Variants in AMMECR1 observed in about 807,000 individuals in gnomAD.
AMMECR1 encodes nuclear protein AMMECR1.
Under a neutral mutation model 22.5 loss-of-function variants are expected in AMMECR1, and 3 were observed. The observed-to-expected ratio is 0.13, with a 90% confidence interval of 0.06 to 0.35. AMMECR1 has a LOEUF of 0.35. Ranked by LOEUF, AMMECR1 falls within the 10% of genes least tolerant of loss-of-function variation. The pLI is 1.00. For missense variants in AMMECR1, 235 were observed against 278.7 expected (o/e 0.84, Z 1.12); for synonymous variants, 130 against 116.7 (o/e 1.11, Z -0.74).
chrX:110,216,775 C>T (rs753822758), intron 2 of AMMECR1, 143 bp from the exon 3 acceptor site: 7 of 383,213 alleles, frequency 1.8e-5, no homozygotes, highest in African/African-American at 1.6e-4. Flanking sequence ...CAAATGTATT[C>T]AAATTCCCCA....
At position 110,303,375 on chromosome X, in the gene AMMECR1, G is replaced by A. The variant is rs148100589; in HGVS notation, c.473+14224C>T. On this transcript the variant is annotated intron_variant, in intron 1 of 5. Coordinates refer to ENST00000262844, the MANE Select transcript of AMMECR1 (RefSeq NM_015365.3). ...AGGTGCCTGCCTATTTGAGATGCAC[G>A]TTGTTTGAAGTCTGTGAAAAATGAA... is the stretch of plus-strand genomic sequence containing the variant. Among the ~76,000 whole-genome samples, 844 of 111,908 alleles carry A rather than the reference G, an allele frequency of 7.5e-3. 6 individuals are homozygous for A. The highest frequency in any genetic ancestry group is 0.025 in the African/African-American group (783 of 30,749).
At chrX:110,410,962 G>A (rs1012489953) in intron 2 of AMMECR1, among the ~76,000 whole-genome samples, 7 of 112,176 alleles carry the variant, frequency 6.2e-5, no homozygotes, top group Non-Finnish European at 1.1e-4. Flanking sequence ...TCCTATTTTG[G>A]TTCCTAAATG....
At chrX:110,318,174 G>A (rs1435578596), upstream of AMMECR1, 38 of 739,735 alleles carry the variant, frequency 5.1e-5, no homozygotes, top group Non-Finnish European at 6.1e-5. Context: ...GCGCGCCAGA[G>A]GCTGGCGGGG....
intron 2 of AMMECR1, among the ~76,000 whole-genome samples, chrX:110,239,248 C>A (rs2067617687): frequency 9.0e-6 from 1 of 110,741 alleles, no homozygotes; most frequent in Non-Finnish European, 1.9e-5. Context: ...TAACAAACTC[C>A]TCCAAGATAA....
intron 1 of AMMECR1, among the ~76,000 whole-genome samples, chrX:110,289,483 C>A (rs188350707): frequency 1.8e-3 from 198 of 112,203 alleles, no homozygotes; most frequent in Middle Eastern, 4.6e-3. Context: ...AAATAGCCAC[C>A]TGCTTAGTTA....
intron 1 of AMMECR1, among the ~76,000 whole-genome samples, chrX:110,277,548 C>T (rs2067832447): frequency 9.0e-6 from 1 of 110,739 alleles, no homozygotes; most frequent in African/African-American, 3.3e-5. Context: ...GCACATGTAC[C>T]CTAGAACTTA....
At chrX:110,375,767 G>T (rs950958304) in intron 2 of AMMECR1, among the ~76,000 whole-genome samples, 1 of 112,029 alleles carries the variant, frequency 8.9e-6, no homozygotes, top group African/African-American at 3.3e-5. Context: ...GAAATCATAA[G>T]TGGGCTAATG....
intron 2 of AMMECR1, chrX:110,219,610 T>G (rs1344886328): frequency 1.3e-6 from 1 of 748,165 alleles, no homozygotes; most frequent in African/African-American, 2.3e-5. Context: ...TCACTCATTC[T>G]AGGCTTAAAA....
At chrX:110,301,243 T>C (rs755163251) in intron 1 of AMMECR1, among the ~76,000 whole-genome samples, 2 of 112,586 alleles carry the variant, frequency 1.8e-5, no homozygotes, top group South Asian at 3.7e-4. Flanking sequence ...CAGCTAATGA[T>C]CGACATATTT....
intron 2 of AMMECR1, among the ~76,000 whole-genome samples, chrX:110,401,340 A>G (rs2068563252): frequency 9.0e-6 from 1 of 111,260 alleles, no homozygotes; most frequent in Admixed American, 9.5e-5. Context: ...TCAGTACTAC[A>G]GTGCCACCTA....
intron 5 of AMMECR1, among the ~76,000 whole-genome samples, chrX:110,200,391 C>T (rs763241537): frequency 1.8e-5 from 2 of 112,182 alleles, no homozygotes; most frequent in African/African-American, 6.5e-5. Context: ...TATAAGCATT[C>T]AATGTAGTTT....
chrX:110,361,542 CA>C (rs2068263748), intron 2 of AMMECR1, among the ~76,000 whole-genome samples: 1 of 111,421 alleles, frequency 9.0e-6, no homozygotes, highest in Non-Finnish European at 1.9e-5. Flanking sequence ...TCAGTAACAA[CA>C]AAACCCCTTA....
Position 110,317,911 on chromosome X carries a change from T to A in AMMECR1, c.161A>T (p.Asn54Ile). ...TCCTCCGGTTAGACCTCCCAGCCCG[T>A]TGAGCCGCGTACCGGCGCCTCCTAG... ...LGLGGAGTRL[N>I]GLGGLTGGGS... is the part of the protein sequence containing the mutation. The change falls in exon 1 of 6, where the codon AAC becomes ATC. Residue 54 changes from asparagine to isoleucine, a missense_variant. Asn to Ile is a moderately radical substitution (Grantham distance 149). Coordinates refer to ENST00000262844, the MANE Select transcript of AMMECR1 (RefSeq NM_015365.3). The A allele has an allele frequency of 1.7e-6, 2 of 1,196,543 alleles. No individual in the cohort carries two copies. Among genetic ancestry groups the A allele is most frequent in the Non-Finnish European group, 1.1e-6 (1 of 888,072 alleles).
At chrX:110,339,401 TAAAAA>T (rs10664998) in intron 2 of AMMECR1, among the ~76,000 whole-genome samples, 3 of 48,958 alleles carry the variant, frequency 6.1e-5, no homozygotes, top group East Asian at 1.0e-3. Flanking sequence ...TGGTTTGTTG[TAAAAA>T]AAAAAAAAAA....
chrX:110,240,402 A>AAAG (rs2067625122), intron 2 of AMMECR1, among the ~76,000 whole-genome samples: 1 of 76,397 alleles, frequency 1.3e-5, no homozygotes, highest in African/African-American at 4.9e-5. Flanking sequence ...AAAAACAAAA[A>AAAG]CGGGGGGGGG....
At chrX:110,271,974 G>A (rs1012091416) in intron 1 of AMMECR1, among the ~76,000 whole-genome samples, 1 of 111,179 alleles carries the variant, frequency 9.0e-6, no homozygotes, top group African/African-American at 3.3e-5. Flanking sequence ...CTTGTACTTT[G>A]GGAGGCCAAA....
At chrX:110,386,988 T>C (rs1003153575) in intron 2 of AMMECR1, among the ~76,000 whole-genome samples, 1 of 112,442 alleles carries the variant, frequency 8.9e-6, no homozygotes, top group Non-Finnish European at 1.9e-5. Flanking sequence ...CCAAATGAAT[T>C]GCATGGAAAA....
At chrX:110,328,541 C>T (rs976554831) in intron 2 of AMMECR1, among the ~76,000 whole-genome samples, 4 of 99,822 alleles carry the variant, frequency 4.0e-5, no homozygotes, top group African/African-American at 1.1e-4. Flanking sequence ...TAGGTATAGA[C>T]GTGCCATGGT....
chrX:110,249,399 T>C (rs2067675378), intron 2 of AMMECR1, among the ~76,000 whole-genome samples: 1 of 111,267 alleles, frequency 9.0e-6, no homozygotes, highest in Non-Finnish European at 1.9e-5. Context: ...AGGTTATTAT[T>C]AGCTGTCATT....
Sources: gnomAD v4.1 joint callset for allele counts (sites outside exome capture counted in the v4.1 genomes callset) on GRCh38, gnomAD v4.1.1 for gene constraint, MANE v1.5 for transcripts, NCBI Gene and HGNC (gene_info 2026-07-23, HGNC 2026-07-21) for gene names.